Variants in FAAP100 observed in about 807,000 individuals in gnomAD.
FAAP100 encodes Fanconi anemia core complex-associated protein 100.
Under a neutral mutation model 65.8 loss-of-function variants are expected in FAAP100, and 46 were observed. The ratio of observed to expected loss-of-function variants is 0.70; its 90% confidence interval spans 0.55 to 0.89. The LOEUF is 0.89. FAAP100 is among the 40% of genes least tolerant of loss of function. FAAP100 has a pLI of 0.00. For synonymous variants in FAAP100, 663 were observed against 555.1 expected (o/e 1.19, Z -2.73); for missense variants, 1,165 against 1,196.7 (o/e 0.97, Z 0.39).
Position 81,547,479 on chromosome 17 carries a change from AGCT to A in FAAP100, c.1600_1602del (p.Ser534del), listed in dbSNP as rs1157831823. Reference sequence around the variant, plus strand: ...AGGGTCCACCCCTGGTCCAGGCTGAAGCTGCTGCTGTTCTCTAGCACGCAGGTG... The same window carrying A: ...AGGGTCCACCCCTGGTCCAGGCTGAAGCTGCTGTTCTCTAGCACGCAGGTG... On this transcript the variant is annotated inframe_deletion, in exon 5 of 9. Transcript: ENST00000327787. The A allele has an allele frequency of 3.1e-6, 5 of 1,613,268 alleles. No individual in the cohort carries two copies. In the Admixed American group the frequency reaches 8.3e-5, roughly 27 times the overall value.
Position 81,540,731 on chromosome 17 carries a change from A to G in FAAP100, c.*88T>C. 7.1e-7 allele frequency: 1 copy of G among 1,403,314 alleles called. No individual in the cohort carries two copies. The highest frequency in any genetic ancestry group is 9.3e-7 in the Non-Finnish European group (1 of 1,076,708). 86.9% of individuals were successfully genotyped at this position (1,403,314 alleles called of 1,614,324 possible). A position where few individuals can be genotyped will look rare whatever the true frequency, so the allele number is the denominator to read the frequency against. The stretch of plus-strand genomic sequence containing the variant: ...CTTCCCTGACGGCTCTGGCCAGGCC[A>G]GCTCGGTTTCCCTCTAACCCATGAG... On this transcript the variant is annotated 3_prime_UTR_variant, in exon 9 of 9. Coordinates refer to ENST00000327787, the MANE Select transcript of FAAP100 (RefSeq NM_025161.6).
At chr17:81,552,486 C>T (rs934714418), upstream of FAAP100, 11 of 649,422 alleles carry the variant, frequency 1.7e-5, no homozygotes, top group East Asian at 2.5e-4. Flanking sequence ...GCAGGGACTC[C>T]GGGAGCTGGG....
chr17:81,546,987 C>T lies in FAAP100; in HGVS notation c.2095G>A (p.Glu699Lys), dbSNP rs753424283. The T allele has an allele frequency of 1.3e-5, 20 of 1,502,682 alleles. No individual in the cohort carries two copies. The African/African-American group carries it at 2.0e-4, about 15-fold the overall frequency. 93.1% of individuals were successfully genotyped at this position (1,502,682 alleles called of 1,614,324 possible). The part of the protein sequence containing the change: ...QPAGPASLRA[E>K]YLPPSVASIK... ...GAAGCCACAGATGGGGGCAGGTACT[C>T]GGCCCGCAGGGAGGCGGGTCCTGCT... Residue 699 changes from glutamate (E) to lysine (K), a missense_variant, in exon 5 of 9, where the codon GAG becomes AAG. Coordinates refer to ENST00000327787, the MANE Select transcript of FAAP100 (RefSeq NM_025161.6).
chr17:81,551,841 C>CA, intron 2 of FAAP100, 87 bp downstream of exon 2: 2 of 1,403,578 alleles, frequency 1.4e-6, no homozygotes, highest in South Asian at 3.0e-5. Flanking sequence ...CCCGGGTCCC[C>CA]AAGCGCGATG....
intron 6 of FAAP100, among the ~76,000 whole-genome samples, chr17:81,545,469 C>T (rs1251017262): frequency 1.3e-5 from 2 of 152,228 alleles, no homozygotes; most frequent in Non-Finnish European, 2.9e-5. Context: ...CACTGTGGAA[C>T]CCGCTATGAC....
rs1292586125 is a variant in FAAP100, at chr17:81,540,203, G to A, written c.*616C>T. 1.8e-5 allele frequency: 7 copies of A among 398,940 alleles called. No individual in the cohort carries two copies. The highest frequency in any genetic ancestry group is 1.0e-4 in the African/African-American group (5 of 48,642). The allele number at this position is 398,940 out of a possible 1,614,324, so 24.7% of individuals were successfully genotyped here. ...GGCCACCCGCTGGCCCTTCCTTGGT[G>A]TGGCACGAGACCACGGGCACTTGCA... On this transcript the variant is annotated 3_prime_UTR_variant, in exon 9 of 9. Transcript: ENST00000327787.
At chr17:81,552,145 C>T (rs2143969407) in intron 1 of FAAP100, 21 bp downstream of exon 1, 1 of 1,487,950 alleles carries the variant, frequency 6.7e-7, no homozygotes, top group Non-Finnish European at 8.9e-7. Context: ...GTCCCTCCCG[C>T]CCCCGCGGGC....
intron 5 of FAAP100, 56 bp from the exon 6 acceptor site, chr17:81,545,938 C>T (rs1369095357): frequency 1.3e-5 from 20 of 1,559,838 alleles, no homozygotes; most frequent in Middle Eastern, 1.9e-4. Context: ...TGGGCTCAGC[C>T]GATCCTACCA....
Position 81,545,790 on chromosome 17 carries a change from C to T in FAAP100, c.2266G>A (p.Gly756Arg), listed in dbSNP as rs1477453993. 3.1e-6 allele frequency: 5 copies of T among 1,612,268 alleles called. No homozygotes were observed. Among genetic ancestry groups the T allele is most frequent in the Non-Finnish European group, 4.2e-6 (5 of 1,179,852 alleles). ...ACGTTGGCGCCATCAGGGGCCACTC[C>T]CTGGATGGAAGATAGTGCTCGGGCC... ...VRARALSSIQGVAPDGANVHL... is the reference protein window; with the variant it reads ...VRARALSSIQRVAPDGANVHL... Residue 756 changes from glycine (G) to arginine (R), a missense_variant, in exon 6 of 9, where the codon GGA becomes AGA. Gly to Arg is a moderately radical substitution (Grantham distance 125, BLOSUM62 -2). Coordinates refer to ENST00000327787, the MANE Select transcript of FAAP100 (RefSeq NM_025161.6).
In FAAP100 at chr17:81,550,984, G is replaced by A. The variant is rs746821415; in HGVS notation, c.510C>T (p.Ile170=). Residue 170 remains isoleucine (I), a synonymous_variant, in exon 3 of 9, where the codon ATC becomes ATT. Transcript: ENST00000327787. ...PGEDPRPGGQ[I]GEVELSSYTP... is the part of the protein sequence containing the mutation. ...TGTAGGAGGACAGCTCCACCTCACC[G>A]ATCTGGCCTCCTGGCCGGGGGTCCT... 1.4e-5 allele frequency: 23 copies of A among 1,611,746 alleles called. No individual in the cohort carries two copies. The highest frequency in any genetic ancestry group is 3.3e-5 in the South Asian group (3 of 90,880).
chr17:81,541,228 C>T (rs1295254296), intron 8 of FAAP100, 81 bp downstream of exon 8: 21 of 1,441,252 alleles, frequency 1.5e-5, no homozygotes, highest in African/African-American at 4.2e-5. Context: ...CTGCGGACCC[C>T]GAGTGACTAG....
chr17:81,545,818 C>T lies in FAAP100; in HGVS notation c.2238G>A (p.Val746=), dbSNP rs376451803. 1.9e-6 allele frequency: 3 copies of T among 1,611,860 alleles called. No individual in the cohort carries two copies. The highest frequency in any genetic ancestry group is 2.5e-6 in the Non-Finnish European group (3 of 1,179,932). ...GGATGGAAGATAGTGCTCGGGCCCT[C>T]ACGACGTCCACAGCAGCATTCTCAG... The part of the protein sequence containing the change: ...LLAENAAVDV[V]RARALSSIQG... The change falls in exon 6 of 9, where the codon GTG becomes GTA. Residue 746 remains valine, a synonymous_variant. Transcript: ENST00000327787.
Position 81,544,046 on chromosome 17 carries a change from G to T in FAAP100, c.2385C>A (p.Ala795=). The T allele has an allele frequency of 1.9e-6, 3 of 1,612,668 alleles. No individual in the cohort carries two copies. The highest frequency in any genetic ancestry group is 2.5e-6 in the Non-Finnish European group (3 of 1,179,834). The part of the protein sequence containing the change: ...VEIQVESSSL[A]DICRAHHAVV... ...CGGCATGGTGCGCCCTGCAAATGTC[G>T]GCCAGAGAGGAGCTTTCCACTTGAA... The change falls in exon 7 of 9, where the codon GCC becomes GCA. Residue 795 remains alanine, a synonymous_variant. Coordinates refer to ENST00000327787, the MANE Select transcript of FAAP100 (RefSeq NM_025161.6).
intron 2 of FAAP100, 69 bp from the exon 3 acceptor site, chr17:81,551,272 C>G (rs2033485229): frequency 3.5e-6 from 5 of 1,421,648 alleles, no homozygotes; most frequent in Non-Finnish European, 4.7e-6. Context: ...TCACAATAAC[C>G]TGGCATGGAG....
chr17:81,551,306 A>G, intron 2 of FAAP100, 103 bp from the exon 3 acceptor site: 2 of 1,195,604 alleles, frequency 1.7e-6, no homozygotes, highest in Non-Finnish European at 2.3e-6. Context: ...GGGTTCCCGC[A>G]GTGACCCCCA....
intron 4 of FAAP100, 106 bp downstream of exon 4, chr17:81,549,100 C>T (rs1647006869): frequency 8.0e-7 from 1 of 1,257,692 alleles, no homozygotes. Flanking sequence ...CTGGCCTGGA[C>T]CGTTGCCACC....
At chr17:81,543,106 G>A (rs534929970) in intron 7 of FAAP100, among the ~76,000 whole-genome samples, 2 of 152,336 alleles carry the variant, frequency 1.3e-5, no homozygotes, top group Non-Finnish European at 2.9e-5. Flanking sequence ...TCATGGTGCT[G>A]CGTGAGTTGA....
At position 81,547,302 on chromosome 17, in the gene FAAP100, G is replaced by A. The variant is rs1216751809; in HGVS notation, c.1780C>T (p.Leu594=). ...AGCGTGCAGGACACGGTCACGGGCA[G>A]GTCGAGCCCGCCGTTCTCACCAGGG... ...LGPGENGGLD[L]PVTVSCTLFY... is the part of the protein sequence containing the mutation. Residue 594 remains leucine, a synonymous_variant, in exon 5 of 9, where the codon CTG becomes TTG. Transcript: ENST00000327787. 6.2e-7 allele frequency: 1 copy of A among 1,612,188 alleles called. No homozygotes were observed. The highest frequency in any genetic ancestry group is 2.2e-5 in the East Asian group (1 of 44,886).
chr17:81,548,060 A>T, intron 4 of FAAP100: 2 of 668,044 alleles, frequency 3.0e-6, no homozygotes, highest in South Asian at 3.1e-5. Context: ...GAATGTTCCT[A>T]GTGGGCCTCT....
Sources: allele counts gnomAD v4.1 joint callset (sites outside exome capture counted in the v4.1 genomes callset), GRCh38; gene constraint gnomAD v4.1.1; transcripts MANE v1.5; gene names NCBI Gene and HGNC (gene_info 2026-07-23, HGNC 2026-07-21).